CENPI: variants seen among roughly 807,000 people sequenced by gnomAD.
The protein encoded by CENPI is centromere protein I.
In CENPI, 4 loss-of-function variants were observed where a neutral mutation model predicts 60.4. That is an observed-to-expected ratio of 0.07 (90% CI 0.03 to 0.15). The LOEUF (loss-of-function observed/expected upper bound fraction) is 0.15, where lower values mean the gene tolerates loss of function less well. CENPI is among the 10% of genes least tolerant of loss of function. The pLI, the probability that CENPI is intolerant of heterozygous loss-of-function variation, is 1.00. For missense variants in CENPI, 444 were observed against 534.5 expected (o/e 0.83, Z 1.67); for synonymous variants, 157 against 189.4 (o/e 0.83, Z 1.40).
At chrX:101,123,599 T>G (rs1241417615) in intron 8 of CENPI, among the ~76,000 whole-genome samples, 3 of 111,290 alleles carry the variant, frequency 2.7e-5, no homozygotes, top group Non-Finnish European at 5.7e-5. Flanking sequence ...ATTTTAATTT[T>G]TTTTAGAGAC....
Position 101,104,452 on chromosome X carries a change from C to A in CENPI, c.364+2041C>A, listed in dbSNP as rs1014537150. ...AGATATTTTAGACTCTAAACACTCT[C>A]ATTTAAAGGTGAGGAAAAAGAGGCT... is the stretch of plus-strand genomic sequence containing the variant. On this transcript the variant is annotated intron_variant, in intron 4 of 21. Coordinates refer to ENST00000682095, the MANE Select transcript of CENPI (RefSeq NM_001386188.2). Among the ~76,000 whole-genome samples the A allele has an allele frequency of 2.3e-4, 26 of 111,968 alleles. 1 individual carries two copies. The highest frequency in any genetic ancestry group is 8.4e-4 in the African/African-American group (26 of 30,824).
Position 101,108,648 on chromosome X carries a change from GTTT to G in CENPI, c.365-813_365-811del, listed in dbSNP as rs372833421. Among the ~76,000 whole-genome samples the G allele has an allele frequency of 6.7e-4, 66 of 99,007 alleles. 1 individual carries two copies. Among genetic ancestry groups the G allele is most frequent in the South Asian group, 2.7e-3 (6 of 2,199 alleles). 86.0% of individuals were successfully genotyped at this position (99,007 alleles called of 115,157 possible). A position where few individuals can be genotyped will look rare whatever the true frequency, so the allele number is the denominator to read the frequency against. On this transcript the variant is annotated intron_variant, in intron 4 of 21. Transcript: ENST00000682095. ...TTTGGACCAAATAATTTGCCTTATA[GTTT>G]TTTTTTTTTTTGAGAGAGGGTCTCA...
rs754010305 is a variant in CENPI, at chrX:101,147,831, G to T, written c.1875+20G>T. 37 of 1,195,946 alleles carry T rather than the reference G, an allele frequency of 3.1e-5. No individual in the cohort carries two copies. Among genetic ancestry groups the T allele is most frequent in the Admixed American group, 4.4e-5 (2 of 45,007 alleles). On this transcript the variant is annotated intron_variant, in intron 19 of 21. Coordinates refer to ENST00000682095, the MANE Select transcript of CENPI (RefSeq NM_001386188.2). ...CAAAAGGTATGAATGAGAAAGCTCT[G>T]TGTTAAATCACTGTTGTTTAAAAAT...
At chrX:101,176,755 G>A in the CENPI span, among the ~76,000 whole-genome samples, 1 of 112,710 alleles carries the variant, frequency 8.9e-6, no homozygotes, top group Non-Finnish European at 1.9e-5. Context: ...CCTTTGCTGC[G>A]CAAAAGTTTT....
intron 20 of CENPI, among the ~76,000 whole-genome samples, chrX:101,158,836 G>A (rs996830744): frequency 9.1e-6 from 1 of 109,849 alleles, no homozygotes; most frequent in Non-Finnish European, 1.9e-5. Context: ...TCGCCATGTT[G>A]GTCAGGCGGG....
chrX:101,109,626 C>A, intron 5 of CENPI, 35 bp downstream of exon 5: 2 of 1,030,965 alleles, frequency 1.9e-6, no homozygotes, highest in Non-Finnish European at 2.7e-6. Context: ...ATAAGTCCTT[C>A]AGAACCACTT....
the CENPI span, among the ~76,000 whole-genome samples, chrX:101,174,999 C>T: frequency 2.7e-5 from 3 of 110,742 alleles, no homozygotes; most frequent in Middle Eastern, 4.6e-3. Flanking sequence ...CCCAGCTACT[C>T]GGGAGGCTGA....
At chrX:101,167,898 A>G (rs1832893766), downstream of CENPI, among the ~76,000 whole-genome samples, 1 of 111,946 alleles carries the variant, frequency 8.9e-6, no homozygotes, top group Non-Finnish European at 1.9e-5. Context: ...ATCTCTTCCA[A>G]ATACTGCTCC....
At chrX:101,141,024 A>G in intron 16 of CENPI, 1 of 197,514 alleles carries the variant, frequency 5.1e-6, no homozygotes, top group Non-Finnish European at 9.2e-6. Context: ...CACTAGAGAG[A>G]TGAGACTAGA....
At chrX:101,149,566 G>C (rs759890113) in intron 20 of CENPI, among the ~76,000 whole-genome samples, 1 of 106,956 alleles carries the variant, frequency 9.3e-6, no homozygotes, top group South Asian at 4.3e-4. Context: ...GAGTGCAGTG[G>C]TGCGATCTTG....
chrX:101,117,031 TG>T (rs774577138), intron 6 of CENPI, among the ~76,000 whole-genome samples: 1 of 111,299 alleles, frequency 9.0e-6, no homozygotes, highest in Non-Finnish European at 1.9e-5. Flanking sequence ...TAAATTGGGT[TG>T]TTCATTATCC....
chrX:101,099,496 A>G (rs887605390), intron 2 of CENPI, among the ~76,000 whole-genome samples: 57 of 109,331 alleles, frequency 5.2e-4, no homozygotes, highest in Middle Eastern at 4.7e-3. Flanking sequence ...TGCTGGGATT[A>G]TAGGTGTGAC....
At chrX:101,150,797 C>T (rs754385032) in intron 20 of CENPI, among the ~76,000 whole-genome samples, 2 of 110,777 alleles carry the variant, frequency 1.8e-5, no homozygotes, top group South Asian at 7.6e-4. Context: ...ATAACCATTT[C>T]TATTGCTTTT....
chrX:101,139,178 C>T lies in CENPI; in HGVS notation c.1471-1488C>T, dbSNP rs1489203735. Among the ~76,000 whole-genome samples, 6 of 101,059 alleles carry T rather than the reference C, an allele frequency of 5.9e-5. No homozygotes were observed. In the East Asian group the frequency reaches 9.3e-4, roughly 16 times the overall value. The allele number at this position is 101,059 out of a possible 115,157, so 87.8% of individuals were successfully genotyped here. ...CATGATCTTGGCTCACTGCAAACTC[C>T]GCCTTCCGGGCTCAAGCAATTCTCC... On this transcript the variant is annotated intron_variant, in intron 15 of 21. Coordinates refer to ENST00000682095, the MANE Select transcript of CENPI (RefSeq NM_001386188.2).
Position 101,148,004 on chromosome X carries a change from C to T in CENPI, c.1937C>T (p.Ser646Leu). 1 of 1,200,759 alleles carries T rather than the reference C, an allele frequency of 8.3e-7. No homozygotes were observed. Among genetic ancestry groups the T allele is most frequent in the Non-Finnish European group, 1.1e-6 (1 of 890,936 alleles). The change falls in exon 20 of 22, where the codon TCA becomes TTA. Residue 646 changes from serine (S) to leucine (L), a missense_variant. Coordinates refer to ENST00000682095, the MANE Select transcript of CENPI (RefSeq NM_001386188.2). Reference sequence around the variant, plus strand: ...CAAGAATTTAATCACTATTTGACATCAATGGTTGGTTGCCTGTGGACGTCC... The same window carrying T: ...CAAGAATTTAATCACTATTTGACATTAATGGTTGGTTGCCTGTGGACGTCC... ...TYQEFNHYLT[S>L]MVGCLWTSKP...
At chrX:101,129,758 T>C (rs1801628783) in intron 12 of CENPI, among the ~76,000 whole-genome samples, 1 of 111,973 alleles carries the variant, frequency 8.9e-6, no homozygotes, top group Non-Finnish European at 1.9e-5. Context: ...TATAAGCTTT[T>C]CCCTATATTT....
At chrX:101,110,390 T>C (rs1247486399) in intron 6 of CENPI, among the ~76,000 whole-genome samples, 2 of 112,298 alleles carry the variant, frequency 1.8e-5, no homozygotes, top group Non-Finnish European at 3.8e-5. Flanking sequence ...TACATTTTCT[T>C]GATTAACACT....
chrX:101,109,382 A>G (rs930329133), intron 4 of CENPI, 91 bp from the exon 5 acceptor site: 3 of 725,606 alleles, frequency 4.1e-6, no homozygotes, highest in African/African-American at 4.2e-5. Flanking sequence ...CGCCCAGCCT[A>G]ATGTGAGATT....
intron 8 of CENPI, among the ~76,000 whole-genome samples, chrX:101,125,480 T>G (rs1467504826): frequency 9.0e-6 from 1 of 111,595 alleles, no homozygotes; most frequent in Non-Finnish European, 1.9e-5. Context: ...CACTGCTACC[T>G]CTGCCTCCCA....
Sources: gnomAD v4.1 joint callset for allele counts (sites outside exome capture counted in the v4.1 genomes callset) on GRCh38, gnomAD v4.1.1 for gene constraint, MANE v1.5 for transcripts, NCBI Gene and HGNC (gene_info 2026-07-23, HGNC 2026-07-21) for gene names.